The following SLC6A6 variants were observed in gnomAD, a reference collection of about 807,000 sequenced individuals.
SLC6A6 encodes the protein sodium- and chloride-dependent taurine transporter.
Under a neutral mutation model 68.8 loss-of-function variants are expected in SLC6A6, and 16 were observed. The observed-to-expected ratio is 0.23, with a 90% CI of 0.16 to 0.35. The LOEUF is 0.35. SLC6A6 is among the 10% of genes least tolerant of loss of function. The probability of loss-of-function intolerance (pLI) is 1.00; values close to 1 mark genes in which losing one functional copy is unlikely to be tolerated. For missense variants in SLC6A6, 474 were observed against 802.8 expected (o/e 0.59, Z 4.95); for synonymous variants, 312 against 315.4 (o/e 0.99, Z 0.12).
At chr3:14,438,307 C>T (rs1002766912) in intron 2 of SLC6A6, among the ~76,000 whole-genome samples, 3 of 151,946 alleles carry the variant, frequency 2.0e-5, no homozygotes, top group African/African-American at 4.8e-5. Context: ...CTGCTTAGTC[C>T]CTGGTCTTGT....
intron 10 of SLC6A6, among the ~76,000 whole-genome samples, chr3:14,473,434 T>C (rs894154034): frequency 1.3e-5 from 2 of 151,872 alleles, no homozygotes; most frequent in South Asian, 2.1e-4. Flanking sequence ...CCCTGAGAGG[T>C]TGGAGCTTGC....
chr3:14,433,719 T>C (rs2341972), intron 2 of SLC6A6, among the ~76,000 whole-genome samples: 117,831 of 150,260 alleles, frequency 0.78, 46,570 homozygotes, highest in African/African-American at 0.89. Context: ...AACGAGAATC[T>C]CTTGGACCCA....
At chr3:14,464,372 TCA>T (rs1232891486) in intron 6 of SLC6A6, among the ~76,000 whole-genome samples, 1 of 152,212 alleles carries the variant, frequency 6.6e-6, no homozygotes, top group African/African-American at 2.4e-5. Context: ...TCTCTGGGCC[TCA>T]GTTTTATTGT....
At chr3:14,443,518 C>T (rs1306882223) in intron 2 of SLC6A6, 106 bp from the exon 3 acceptor site, 2 of 767,156 alleles carry the variant, frequency 2.6e-6, no homozygotes, top group African/African-American at 1.7e-5. Flanking sequence ...TGCCACAGGC[C>T]CGGGCAGGTG....
intron 6 of SLC6A6, among the ~76,000 whole-genome samples, chr3:14,459,276 C>A (rs1022886720): frequency 1.1e-4 from 17 of 152,212 alleles, no homozygotes; most frequent in Admixed American, 1.1e-3. Flanking sequence ...TGGGCAGTGA[C>A]CTTAGCTGCC....
intron 9 of SLC6A6, among the ~76,000 whole-genome samples, chr3:14,471,130 C>CTTTTTTTTTTTTTT (rs754511089): frequency 8.4e-5 from 7 of 83,084 alleles, no homozygotes; most frequent in Admixed American, 2.9e-4. Context: ...TGCTTCTTGA[C>CTTTTTTTTTTTTTT]TTTTTTTTTT....
At chr3:14,421,045 C>A (rs1409138059) in intron 2 of SLC6A6, among the ~76,000 whole-genome samples, 2 of 152,200 alleles carry the variant, frequency 1.3e-5, no homozygotes, top group African/African-American at 4.8e-5. Flanking sequence ...ATCATTGACC[C>A]CGCAGGGGTT....
intron 2 of SLC6A6, among the ~76,000 whole-genome samples, chr3:14,429,952 G>T (rs1468964156): frequency 6.9e-6 from 1 of 144,202 alleles, no homozygotes; most frequent in Non-Finnish European, 1.5e-5. Flanking sequence ...TGGTGGGGGT[G>T]ATTTGAGCTG....
At chr3:14,454,414 C>T (rs772270390) in intron 5 of SLC6A6, among the ~76,000 whole-genome samples, 10 of 152,232 alleles carry the variant, frequency 6.6e-5, no homozygotes, top group African/African-American at 4.8e-5. Context: ...TTACTGAGCA[C>T]GCCCTCACTG....
chr3:14,429,036 AC>A (rs1296249220), intron 2 of SLC6A6, among the ~76,000 whole-genome samples: 3 of 151,466 alleles, frequency 2.0e-5, no homozygotes, highest in South Asian at 2.1e-4. Context: ...TTCCCTCTGC[AC>A]CCCCCTACCC....
chr3:14,451,311 T>C (rs1288062023), intron 5 of SLC6A6, among the ~76,000 whole-genome samples: 2 of 152,366 alleles, frequency 1.3e-5, no homozygotes, highest in Admixed American at 1.3e-4. Context: ...TCTGGCTCAC[T>C]TCCCCATCTG....
intron 6 of SLC6A6, among the ~76,000 whole-genome samples, chr3:14,462,292 G>A (rs2124973125): frequency 6.6e-6 from 1 of 152,354 alleles, no homozygotes; most frequent in Non-Finnish European, 1.5e-5. Flanking sequence ...GGGGCTCGAT[G>A]AGCTTAGAGG....
At chr3:14,460,327 G>A (rs1700466668) in intron 6 of SLC6A6, among the ~76,000 whole-genome samples, 1 of 151,964 alleles carries the variant, frequency 6.6e-6, no homozygotes, top group Non-Finnish European at 1.5e-5. Context: ...GGAGTCAAAT[G>A]GGGATGCGAG....
chr3:14,439,153 G>T (rs866600080), intron 2 of SLC6A6, among the ~76,000 whole-genome samples: 2 of 152,258 alleles, frequency 1.3e-5, no homozygotes, highest in Non-Finnish European at 2.9e-5. Flanking sequence ...CAGGTGGCCA[G>T]GTGGGAACTC....
rs928707863 is a variant in SLC6A6 at position 14,472,758 on chromosome 3, C to T, written c.1209+441C>T. Among the ~76,000 whole-genome samples the T allele has an allele frequency of 4.6e-5, 7 of 152,210 alleles. No homozygotes were observed. The highest frequency in any genetic ancestry group is 1.7e-4 in the African/African-American group (7 of 41,454). On this transcript the variant is annotated intron_variant, in intron 10 of 14. Coordinates refer to ENST00000622186, the MANE Select transcript of SLC6A6 (RefSeq NM_003043.6). The surrounding 1 kb of genome is among the most constrained non-coding windows in gnomAD (Gnocchi z 4.5). ...ATGGGCGATTCGGAGAAGGGACCCA[C>T]ATTTCTGTGTGAGCTGATCATTGTC...
intron 2 of SLC6A6, among the ~76,000 whole-genome samples, chr3:14,416,885 C>A (rs1331282546): frequency 6.6e-6 from 1 of 152,260 alleles, no homozygotes; most frequent in African/African-American, 2.4e-5. Context: ...ACTCTGTCGC[C>A]TACGCTGGGG....
At chr3:14,473,248 C>T (rs933262290) in intron 10 of SLC6A6, among the ~76,000 whole-genome samples, 7 of 152,196 alleles carry the variant, frequency 4.6e-5, no homozygotes, top group African/African-American at 1.7e-4. Context: ...ACAGGCATGA[C>T]TCCAGGAGTA....
At chr3:14,456,250 T>C (rs1700364586) in intron 5 of SLC6A6, among the ~76,000 whole-genome samples, 1 of 152,226 alleles carries the variant, frequency 6.6e-6, no homozygotes, top group Non-Finnish European at 1.5e-5. Flanking sequence ...TTGACATCCC[T>C]GGTGCCAGGG....
chr3:14,433,793 A>C (rs1699785925), intron 2 of SLC6A6, among the ~76,000 whole-genome samples: 1 of 117,642 alleles, frequency 8.5e-6, no homozygotes, highest in Non-Finnish European at 1.7e-5. Context: ...ACAGAGCTAG[A>C]CTCTGTCTCA....
Sources: gnomAD v4.1 joint callset for allele counts (sites outside exome capture counted in the v4.1 genomes callset) on GRCh38, gnomAD v4.1.1 for gene constraint, Gnocchi (gnomAD v3.1) non-coding constraint, MANE v1.5 for transcripts, NCBI Gene and HGNC (gene_info 2026-07-23, HGNC 2026-07-21) for gene names.